The following CEP95 variants were observed in gnomAD, a reference collection of about 807,000 sequenced individuals.
CEP95 encodes centrosomal protein 95, also known as centrosomal protein of 95 kDa.
In CEP95, 98 loss-of-function variants were observed where a neutral mutation model predicts 111.2. That is an observed-to-expected ratio of 0.88 (90% CI 0.75 to 1.04). The LOEUF is 1.04. Among genes scored for constraint, CEP95 ranks in the 50% least tolerant of loss-of-function variants. CEP95 has a pLI of 0.00. For missense variants in CEP95, 1,027 were observed against 977.2 expected, an observed-to-expected ratio of 1.05 and a Z score of -0.68; for synonymous variants, 323 against 327.1, an observed-to-expected ratio of 0.99 and a Z score of 0.14.
At chr17:64,516,628 GT>G in intron 4 of CEP95, 94 bp from the exon 5 acceptor site, 1 of 589,598 alleles carries the variant, frequency 1.7e-6, no homozygotes, top group Non-Finnish European at 2.9e-6. Context: ...CAAGTTAGGG[GT>G]GCCTCACTGT....
intron 14 of CEP95, 103 bp from the exon 15 acceptor site, chr17:64,532,735 AG>A: frequency 6.8e-7 from 1 of 1,471,378 alleles, no homozygotes; most frequent in Non-Finnish European, 9.0e-7. Context: ...TGTTCTTTTC[AG>A]GATCAAAACC....
chr17:64,523,947 A>ATT (rs1307335463), intron 8 of CEP95, among the ~76,000 whole-genome samples: 7 of 152,218 alleles, frequency 4.6e-5, no homozygotes, highest in Admixed American at 1.3e-4. Flanking sequence ...CACAGGGTAG[A>ATT]TATATAAACA....
chr17:64,532,640 C>T, intron 14 of CEP95, 199 bp from the exon 15 acceptor site: 1 of 1,390,712 alleles, frequency 7.2e-7, no homozygotes, highest in East Asian at 2.8e-5. Context: ...CAATCCAGAA[C>T]TATTGAGCTT....
chr17:64,507,089 C>T lies in CEP95; in HGVS notation c.-9C>T. 6.4e-7 allele frequency: 1 copy of T among 1,551,412 alleles called. No individual in the cohort carries two copies. The highest frequency in any genetic ancestry group is 8.7e-7 in the Non-Finnish European group (1 of 1,146,958). ...GCGTCGGAGTCCGGCGGCGACCTGCCTCTGAAACATGGCAGGCTCGGATGC... is the reference window on the plus strand; with the variant it reads ...GCGTCGGAGTCCGGCGGCGACCTGCTTCTGAAACATGGCAGGCTCGGATGC... On this transcript the variant is annotated 5_prime_UTR_variant, in exon 1 of 20. Coordinates refer to ENST00000556440, the MANE Select transcript of CEP95 (RefSeq NM_138363.3).
rs34153465 is a variant in CEP95 at position 64,521,514 on chromosome 17, C to T, written c.702C>T (p.Ser234=). Reference sequence around the variant, plus strand: ...GTGTTTTGTCCAAGAGTAGGACATCCTTTGTTGAAGACAGTGAGTTGTAAT... The same window carrying T: ...GTGTTTTGTCCAAGAGTAGGACATCTTTTGTTGAAGACAGTGAGTTGTAAT... ...PPSVLSKSRT[S]FVEDTETLSV... is the part of the protein sequence containing the mutation. Residue 234 remains serine (S), a synonymous_variant, in exon 7 of 20, where the codon TCC becomes TCT. Transcript: ENST00000556440. The T allele has an allele frequency of 6.2e-7, 1 of 1,610,888 alleles. No homozygotes were observed. Among genetic ancestry groups the T allele is most frequent in the East Asian group, 2.2e-5 (1 of 44,790 alleles).
intron 8 of CEP95, among the ~76,000 whole-genome samples, chr17:64,524,987 C>A (rs1218587699): frequency 1.3e-5 from 2 of 151,850 alleles, no homozygotes; most frequent in African/African-American, 4.8e-5. Context: ...AAAAAACAAA[C>A]AAACATTAAA....
chr17:64,534,634 TAAAAG>T lies in CEP95; in HGVS notation c.1972_1976del (p.Glu658SerfsTer12), dbSNP rs782703682. On this transcript the variant is annotated frameshift_variant, in exon 17 of 20. Transcript: ENST00000556440. LOFTEE classifies it high-confidence loss of function. Reference sequence around the variant, plus strand: ...AGGCAAAGGTTGACCCAATCAAAGATAAAAGAAAATCGACAGCAAATCGTTCGTGC... The same window carrying T: ...AGGCAAAGGTTGACCCAATCAAAGATAAAATCGACAGCAAATCGTTCGTGC... 9.9e-6 allele frequency: 16 copies of T among 1,613,090 alleles called. No individual in the cohort carries two copies. Among genetic ancestry groups the T allele is most frequent in the Admixed American group, 1.7e-5 (1 of 59,982 alleles).
Position 64,510,225 on chromosome 17 carries a change from A to G in CEP95, c.201A>G (p.Ala67=). 12 of 1,612,398 alleles carry G rather than the reference A, an allele frequency of 7.4e-6. No homozygotes were observed. Among genetic ancestry groups the G allele is most frequent in the Non-Finnish European group, 1.0e-5 (12 of 1,179,122 alleles). The part of the protein sequence containing the change: ...SQEDDAHNVQ[A]VIDSLALDYL... Reference sequence around the variant, plus strand: ...AAGATGATGCACACAATGTACAAGCAGTAATTGATTCACTGGCCTTGGACT... The same window carrying G: ...AAGATGATGCACACAATGTACAAGCGGTAATTGATTCACTGGCCTTGGACT... The change falls in exon 3 of 20, where the codon GCA becomes GCG. Residue 67 remains alanine, a synonymous_variant. Coordinates refer to ENST00000556440, the MANE Select transcript of CEP95 (RefSeq NM_138363.3).
In CEP95 at chr17:64,529,411, G is replaced by A. The variant is rs781841347; in HGVS notation, c.1430G>A (p.Arg477His). The A allele has an allele frequency of 2.2e-5, 36 of 1,613,482 alleles. No individual in the cohort carries two copies. The East Asian group carries it at 3.3e-4, about 15-fold the overall frequency. The change falls in exon 12 of 20, where the codon CGC (arginine) becomes CAC (histidine). Residue 477 changes from arginine to histidine, a missense_variant. Physicochemically the swap from Arg to His is conservative, Grantham distance 29. Transcript: ENST00000556440. ...CGCAAGCCAAGAGAAACAGATGTCC[G>A]CCAATTCCAAGCACAGGTTCTTCCC... ...RQRKPRETDV[R>H]QFQAQAFTEA...
Position 64,536,745 on chromosome 17 carries a change from C to T in CEP95, c.2214C>T (p.Asp738=), listed in dbSNP as rs778456415. 7 of 1,596,254 alleles carry T rather than the reference C, an allele frequency of 4.4e-6. No homozygotes were observed. The South Asian group carries it at 8.0e-5, about 18-fold the overall frequency. The change falls in exon 18 of 20, where the codon GAC becomes GAT. Residue 738 remains aspartate, a synonymous_variant. Transcript: ENST00000556440. The stretch of plus-strand genomic sequence containing the variant: ...ACTCCATGGAGAACTACTATAAGGA[C>T]CAGGTGGGCTCCTGGCACTTGCTTA... The part of the protein sequence containing the change: ...ELDSMENYYK[D]QFSLLAEAIS...
At chr17:64,530,496 C>G (rs1334217371) in intron 12 of CEP95, among the ~76,000 whole-genome samples, 1 of 136,652 alleles carries the variant, frequency 7.3e-6, no homozygotes, top group Non-Finnish European at 1.5e-5. Context: ...GAATTTTTTT[C>G]CTCTTTTGTA....
intron 16 of CEP95, 90 bp from the exon 17 acceptor site, chr17:64,534,495 A>G (rs1968510876): frequency 1.7e-6 from 2 of 1,205,186 alleles, no homozygotes; most frequent in East Asian, 2.4e-5. Flanking sequence ...GCCTGAAGAC[A>G]TCGTGATGGG....
At position 64,525,900 on chromosome 17, in the gene CEP95, T is replaced by G; in HGVS notation, c.1022+18T>G. On this transcript the variant is annotated intron_variant, in intron 9 of 19. Coordinates refer to ENST00000556440, the MANE Select transcript of CEP95 (RefSeq NM_138363.3). Reference sequence around the variant, plus strand: ...GGAAAAAGGTAACATTACTGCAGACTTCAGTGTTTACAGTCTGTTTACAAA... The same window carrying G: ...GGAAAAAGGTAACATTACTGCAGACGTCAGTGTTTACAGTCTGTTTACAAA... The G allele has an allele frequency of 6.6e-7, 1 of 1,525,302 alleles. No individual in the cohort carries two copies. Among genetic ancestry groups the G allele is most frequent in the Non-Finnish European group, 8.8e-7 (1 of 1,132,578 alleles). The allele number at this position is 1,525,302 out of a possible 1,614,324, so 94.5% of individuals were successfully genotyped here. A position where few individuals can be genotyped will look rare whatever the true frequency, so the allele number is the denominator to read the frequency against.
intron 16 of CEP95, chr17:64,534,036 A>T (rs1968471780): frequency 6.5e-6 from 1 of 152,692 alleles, no homozygotes; most frequent in South Asian, 2.1e-4. Flanking sequence ...TGGAGTAGAG[A>T]TAAGCCATGA....
intron 1 of CEP95, chr17:64,507,679 C>T: frequency 2.0e-6 from 2 of 986,946 alleles, no homozygotes; most frequent in Non-Finnish European, 2.4e-6. Context: ...ACAAGGACTG[C>T]GTACAAACCA....
chr17:64,509,889 A>C (rs1245682146), intron 2 of CEP95, among the ~76,000 whole-genome samples: 2 of 151,706 alleles, frequency 1.3e-5, no homozygotes, highest in South Asian at 2.1e-4. Context: ...AAGCATATTC[A>C]TGTATATCTA....
At position 64,532,924 on chromosome 17, in the gene CEP95, G is replaced by C; in HGVS notation, c.1758G>C (p.Met586Ile). 1 of 1,613,910 alleles carries C rather than the reference G, an allele frequency of 6.2e-7. No homozygotes were observed. The highest frequency in any genetic ancestry group is 8.5e-7 in the Non-Finnish European group (1 of 1,179,854). Residue 586 changes from methionine (M) to isoleucine (I), a missense_variant, in exon 15 of 20, where the codon ATG (methionine) becomes ATC (isoleucine). Coordinates refer to ENST00000556440, the MANE Select transcript of CEP95 (RefSeq NM_138363.3). Reference protein sequence around the residue: ...LYVSGPTLSKMWKQQIAQVEQ... With the variant: ...LYVSGPTLSKIWKQQIAQVEQ... Reference sequence around the variant, plus strand: ...TTTCTGGCCCAACACTAAGCAAAATGTGGAAACAGCAAATTGCACAGGTTG... The same window carrying C: ...TTTCTGGCCCAACACTAAGCAAAATCTGGAAACAGCAAATTGCACAGGTTG...
intron 3 of CEP95, 23 bp downstream of exon 3, chr17:64,510,303 C>T (rs782619594): frequency 6.3e-6 from 8 of 1,267,102 alleles, no homozygotes; most frequent in Non-Finnish European, 9.1e-6. Context: ...ATAACTATCA[C>T]ATAATTATGC....
intron 8 of CEP95, among the ~76,000 whole-genome samples, chr17:64,523,231 T>C (rs1486879370): frequency 6.6e-6 from 1 of 152,294 alleles, no homozygotes. Context: ...CTGGATACTT[T>C]AGGGGTATTG....
Sources: allele counts gnomAD v4.1 joint callset (sites outside exome capture counted in the v4.1 genomes callset), GRCh38; gene constraint gnomAD v4.1.1; transcripts MANE v1.5; gene names NCBI Gene and HGNC (gene_info 2026-07-23, HGNC 2026-07-21).